Variants in INPP4B observed in about 807,000 individuals in gnomAD.
INPP4B encodes the protein inositol polyphosphate-4-phosphatase type II B.
In INPP4B, 55 loss-of-function variants were observed where a neutral mutation model predicts 122.5. The ratio of observed to expected loss-of-function variants is 0.45; its 90% confidence interval spans 0.36 to 0.56. The LOEUF is 0.56. Among genes scored for constraint, INPP4B ranks in the 20% least tolerant of loss-of-function variants. The pLI, the probability that INPP4B is intolerant of heterozygous loss-of-function variation, is 0.00. For missense variants in INPP4B, 1,000 were observed against 1,097.7 expected, an observed-to-expected ratio of 0.91 and a Z score of 1.26; for synonymous variants, 403 against 388.7, an observed-to-expected ratio of 1.04 and a Z score of -0.43.
At chr4:142,510,036 A>G (rs1356383083) in intron 2 of INPP4B, among the ~76,000 whole-genome samples, 1 of 152,286 alleles carries the variant, frequency 6.6e-6, no homozygotes, top group South Asian at 2.1e-4. Flanking sequence ...CTCTTCCAAC[A>G]CCATTATTTT....
chr4:142,526,029 A>G (rs1826866850), intron 2 of INPP4B, among the ~76,000 whole-genome samples: 1 of 152,114 alleles, frequency 6.6e-6, no homozygotes, highest in Non-Finnish European at 1.5e-5. Flanking sequence ...GCACGATTTC[A>G]TGTAACATTA....
At position 142,665,493 on chromosome 4, in the gene INPP4B, CA is replaced by C. The variant is rs11417876; in HGVS notation, c.-191+60345del. On this transcript the variant is annotated intron_variant, in intron 2 of 25. Transcript: ENST00000262992. ...TGGGTGACAGAGCGAGACTCTGTCT[CA>C]AAAAAAAAAAAAAAAAGAAAGAAAG... Among the ~76,000 whole-genome samples, 698 of 107,752 alleles carry C rather than the reference CA, an allele frequency of 6.5e-3. 1 individual carries two copies. The highest frequency in any genetic ancestry group is 9.1e-3 in the Admixed American group (86 of 9,502). The allele number at this position is 107,752 out of a possible 152,430, so 70.7% of individuals were successfully genotyped here.
At chr4:142,782,592 C>T (rs1333425541) in intron 1 of INPP4B, among the ~76,000 whole-genome samples, 1 of 151,494 alleles carries the variant, frequency 6.6e-6, no homozygotes, top group African/African-American at 2.4e-5. Flanking sequence ...AGTTTACAGT[C>T]CCACCAACAG....
chr4:142,627,605 A>C (rs1746764374), intron 2 of INPP4B, among the ~76,000 whole-genome samples: 1 of 143,726 alleles, frequency 7.0e-6, no homozygotes, highest in Non-Finnish European at 1.5e-5. Flanking sequence ...GATGAAGCCC[A>C]CTTGATCATG....
At chr4:142,268,348 G>GAAAAAAAAAAAA (rs1383781390) in intron 10 of INPP4B, among the ~76,000 whole-genome samples, 5 of 26,770 alleles carry the variant, frequency 1.9e-4, no homozygotes, top group East Asian at 1.3e-3. Context: ...AAAAAAAAAT[G>GAAAAAAAAAAAA]AGGGGTAAGT....
intron 2 of INPP4B, among the ~76,000 whole-genome samples, chr4:142,571,385 C>T (rs1306688273): frequency 1.3e-5 from 2 of 152,036 alleles, no homozygotes; most frequent in African/African-American, 4.8e-5. Flanking sequence ...AGCAAATTAA[C>T]CTATCCATTA....
At chr4:142,094,602 G>A (rs1781051278) in intron 23 of INPP4B, among the ~76,000 whole-genome samples, 2 of 152,178 alleles carry the variant, frequency 1.3e-5, no homozygotes, top group Non-Finnish European at 1.5e-5. Flanking sequence ...ACAGCCCAGG[G>A]AGGCAGACAC....
At chr4:142,682,312 T>C (rs899141205) in intron 2 of INPP4B, among the ~76,000 whole-genome samples, 1 of 151,740 alleles carries the variant, frequency 6.6e-6, no homozygotes, top group African/African-American at 2.4e-5. Flanking sequence ...CTTTTAGTTC[T>C]AAAACAATAC....
chr4:142,844,610 G>A (rs775653844), intron 1 of INPP4B, among the ~76,000 whole-genome samples: 2 of 152,216 alleles, frequency 1.3e-5, no homozygotes, highest in Non-Finnish European at 2.9e-5. Flanking sequence ...GCATGTATGT[G>A]CATCAATGCG....
At chr4:142,708,697 C>T (rs980576666) in intron 2 of INPP4B, among the ~76,000 whole-genome samples, 1 of 152,166 alleles carries the variant, frequency 6.6e-6, no homozygotes, top group Non-Finnish European at 1.5e-5. Context: ...ATAGAAACAC[C>T]TGAATGTCCA....
At chr4:142,195,507 C>T (rs777244449) in intron 14 of INPP4B, among the ~76,000 whole-genome samples, 9 of 152,142 alleles carry the variant, frequency 5.9e-5, no homozygotes, top group Non-Finnish European at 1.2e-4. Flanking sequence ...TTGTCTGTTA[C>T]CTTAATTGTG....
chr4:142,784,793 A>G (rs1775492242), intron 1 of INPP4B, among the ~76,000 whole-genome samples: 2 of 152,174 alleles, frequency 1.3e-5, no homozygotes, highest in South Asian at 4.1e-4. Context: ...ATGCATCCAT[A>G]GCATTCCTCA....
chr4:142,660,352 A>G (rs1040946073), intron 2 of INPP4B, among the ~76,000 whole-genome samples: 1 of 151,332 alleles, frequency 6.6e-6, no homozygotes, highest in Non-Finnish European at 1.5e-5. Flanking sequence ...AGAGATGGCT[A>G]CTCCCCTCTT....
At chr4:142,029,813 G>T (rs950343573) in intron 25 of INPP4B, 1 of 1,011,678 alleles carries the variant, frequency 9.9e-7, no homozygotes, top group East Asian at 9.2e-5. Flanking sequence ...AATAAATTTA[G>T]TGGGATGAGG....
chr4:142,793,329 CATCCAA>C (rs145364832), intron 1 of INPP4B, among the ~76,000 whole-genome samples: 7,634 of 152,128 alleles, frequency 0.05, 258 homozygotes, highest in African/African-American at 0.092. Flanking sequence ...GTATCCCTAG[CATCCAA>C]TCCACTGTAT....
At chr4:142,304,760 T>C (rs1762710445) in intron 9 of INPP4B, among the ~76,000 whole-genome samples, 1 of 152,144 alleles carries the variant, frequency 6.6e-6, no homozygotes, top group Admixed American at 6.5e-5. Flanking sequence ...GTATCCCCAA[T>C]GTATGCATAA....
chr4:142,635,614 C>T (rs1748969537), intron 2 of INPP4B, among the ~76,000 whole-genome samples: 1 of 152,014 alleles, frequency 6.6e-6, no homozygotes, highest in Non-Finnish European at 1.5e-5. Flanking sequence ...GAACAGAAAA[C>T]CAAATACTGC....
At chr4:142,780,535 A>G (rs11726381) in intron 1 of INPP4B, among the ~76,000 whole-genome samples, 35,344 of 152,114 alleles carry the variant, frequency 0.23, 4,369 homozygotes, top group South Asian at 0.35. Context: ...ACGGTGGCTC[A>G]CACCTGTAAT....
chr4:142,270,265 G>A (rs1053069231), intron 10 of INPP4B, among the ~76,000 whole-genome samples: 1 of 152,056 alleles, frequency 6.6e-6, no homozygotes, highest in African/African-American at 2.4e-5. Context: ...AATTAAAATC[G>A]CATATCTTTC....
Sources: allele counts gnomAD v4.1 joint callset (sites outside exome capture counted in the v4.1 genomes callset), GRCh38; gene constraint gnomAD v4.1.1; transcripts MANE v1.5; gene names NCBI Gene and HGNC (gene_info 2026-07-23, HGNC 2026-07-21).